The following PSMB2 variants were observed in gnomAD, a reference collection of about 807,000 sequenced individuals.
PSMB2 encodes proteasome 20S subunit beta 2, also known as proteasome subunit beta type-2.
PSMB2 carries 13 observed loss-of-function variants against 25.7 expected under a neutral mutation model. The ratio of observed to expected loss-of-function variants is 0.51; its 90% CI spans 0.33 to 0.80. PSMB2 has a LOEUF of 0.80. Among genes scored for constraint, PSMB2 ranks in the 30% least tolerant of loss-of-function variants. PSMB2 has a pLI of 0.02. For missense variants in PSMB2, 202 were observed against 259.0 expected (o/e 0.78, Z 1.51); for synonymous variants, 87 against 96.2 (o/e 0.90, Z 0.56).
rs190365923 is a variant in PSMB2, at chr1:35,607,142, A to G, written c.449-1860T>C. On this transcript the variant is annotated intron_variant, in intron 4 of 5. Transcript: ENST00000373237. ...GGACACTGATCTGGAAAAAGATTTTATGAATAATCTCATGAACACAGGCAA... is the reference window on the plus strand; with the variant it reads ...GGACACTGATCTGGAAAAAGATTTTGTGAATAATCTCATGAACACAGGCAA... Among the ~76,000 whole-genome samples, 160 of 152,318 alleles carry G rather than the reference A, an allele frequency of 1.1e-3. 1 individual carries two copies. Among genetic ancestry groups the G allele is most frequent in the African/African-American group, 3.8e-3 (157 of 41,582 alleles).
In PSMB2 at chr1:35,624,817, C is replaced by A. The variant is rs1178912080; in HGVS notation, c.285+6457G>T. Among the ~76,000 whole-genome samples the A allele has an allele frequency of 2.6e-5, 4 of 151,828 alleles. No homozygotes were observed. In the South Asian group the frequency reaches 8.3e-4, roughly 32 times the overall value. On this transcript the variant is annotated intron_variant, in intron 3 of 5. Coordinates refer to ENST00000373237, the MANE Select transcript of PSMB2 (RefSeq NM_002794.5). ...GTGGCTCACGCCTGTAATCCCAGCA[C>A]TTTGGGAGGCCGAGGCGGGTGGATC... is the stretch of plus-strand genomic sequence containing the variant.
intron 3 of PSMB2, among the ~76,000 whole-genome samples, chr1:35,627,371 G>T (rs1443880935): frequency 6.6e-6 from 1 of 150,962 alleles, no homozygotes; most frequent in African/African-American, 2.4e-5. Flanking sequence ...AAAAACACAA[G>T]TGGGCTGGGC....
At position 35,628,621 on chromosome 1, in the gene PSMB2, ATATATATATATT is replaced by A. The variant is rs1301330427; in HGVS notation, c.285+2641_285+2652del. Among the ~76,000 whole-genome samples, 45 of 46,580 alleles carry A rather than the reference ATATATATATATT, an allele frequency of 9.7e-4. 1 individual carries two copies. The highest frequency in any genetic ancestry group is 1.5e-3 in the Admixed American group (4 of 2,708). The allele number at this position is 46,580 out of a possible 152,430, so 30.6% of individuals were successfully genotyped here. A position where few individuals can be genotyped will look rare whatever the true frequency, so the allele number is the denominator to read the frequency against. Reference sequence around the variant, plus strand: ...AATATATATATATATATATATATATATATATATATATTTTTTTTTTTTTTTTTAAAGAAAAGA... The same window carrying A: ...AATATATATATATATATATATATATATTTTTTTTTTTTTTTAAAGAAAAGA... On this transcript the variant is annotated intron_variant, in intron 3 of 5. Transcript: ENST00000373237.
chr1:35,615,569 C>T (rs375031365), intron 3 of PSMB2, among the ~76,000 whole-genome samples: 3 of 152,164 alleles, frequency 2.0e-5, no homozygotes, highest in Admixed American at 2.0e-4. Context: ...ACAAAATCAG[C>T]GACAAGAGTC....
chr1:35,636,568 A>G (rs984905686), intron 1 of PSMB2, 136 bp from the exon 2 acceptor site: 1 of 1,021,788 alleles, frequency 9.8e-7, no homozygotes, highest in South Asian at 2.0e-5. Flanking sequence ...ACAATTCAAC[A>G]AACTATGGAT....
chr1:35,635,699 C>T (rs1442502456), intron 2 of PSMB2, among the ~76,000 whole-genome samples: 2 of 151,676 alleles, frequency 1.3e-5, no homozygotes, highest in Admixed American at 6.6e-5. Context: ...CGTGGTGGTG[C>T]GTGCCTGTAG....
chr1:35,605,303 C>T (rs1331544539), intron 4 of PSMB2, 21 bp from the exon 5 acceptor site: 1 of 1,608,054 alleles, frequency 6.2e-7, no homozygotes. Context: ...ACACAGAGAC[C>T]AAATACTTCC....
chr1:35,608,692 G>A (rs548635905), intron 4 of PSMB2, among the ~76,000 whole-genome samples: 78 of 152,302 alleles, frequency 5.1e-4, no homozygotes, highest in African/African-American at 1.8e-3. Flanking sequence ...CAAGTAGAGC[G>A]ACGGCTTTTT....
intron 4 of PSMB2, among the ~76,000 whole-genome samples, chr1:35,607,076 T>C (rs1036916959): frequency 6.6e-6 from 1 of 152,086 alleles, no homozygotes; most frequent in African/African-American, 2.4e-5. Context: ...GACCTCAATT[T>C]AAGACCAGAA....
intron 3 of PSMB2, among the ~76,000 whole-genome samples, chr1:35,624,890 G>A (rs1040673019): frequency 5.3e-5 from 8 of 151,734 alleles, no homozygotes; most frequent in East Asian, 3.9e-4. Context: ...ATGAAACCCC[G>A]TCTCTACTAA....
At chr1:35,629,571 G>C (rs1651028560) in intron 3 of PSMB2, among the ~76,000 whole-genome samples, 1 of 152,184 alleles carries the variant, frequency 6.6e-6, no homozygotes, top group Non-Finnish European at 1.5e-5. Flanking sequence ...CACCCTGAAA[G>C]GCCAAGGCCA....
intron 4 of PSMB2, among the ~76,000 whole-genome samples, chr1:35,608,564 T>C (rs1200799009): frequency 3.3e-5 from 5 of 152,234 alleles, no homozygotes; most frequent in Admixed American, 3.3e-4. Flanking sequence ...ATTACATGTA[T>C]TGAAACATCA....
chr1:35,627,682 ATT>A (rs1650906393), intron 3 of PSMB2, among the ~76,000 whole-genome samples: 1 of 152,188 alleles, frequency 6.6e-6, no homozygotes, highest in African/African-American at 2.4e-5. Context: ...TTATTACCTT[ATT>A]TAATCTTCAT....
chr1:35,613,023 A>G (rs1650385233), intron 3 of PSMB2, among the ~76,000 whole-genome samples: 1 of 152,254 alleles, frequency 6.6e-6, no homozygotes, highest in Non-Finnish European at 1.5e-5. Flanking sequence ...ACTCATGCTT[A>G]GGCATCTGAC....
At chr1:35,628,621 ATATATATATAT>A (rs1388049866) in intron 3 of PSMB2, among the ~76,000 whole-genome samples, 95 of 46,580 alleles carry the variant, frequency 2.0e-3, no homozygotes, top group Non-Finnish European at 3.0e-3. Context: ...ATATATATAT[ATATATATATAT>A]TTTTTTTTTT....
At chr1:35,611,619 T>C (rs1650345393) in intron 3 of PSMB2, among the ~76,000 whole-genome samples, 1 of 151,092 alleles carries the variant, frequency 6.6e-6, no homozygotes, top group African/African-American at 2.4e-5. Context: ...AGGTTAGGAG[T>C]TTGAGACCAG....
rs1651397399 is a variant in PSMB2 at position 35,641,526 on chromosome 1, T to C, written c.-94A>G. 1.3e-6 allele frequency: 2 copies of C among 1,570,158 alleles called. No individual in the cohort carries two copies. Among genetic ancestry groups the C allele is most frequent in the South Asian group, 1.1e-5 (1 of 87,574 alleles). On this transcript the variant is annotated 5_prime_UTR_variant, in exon 1 of 6. Coordinates refer to ENST00000373237, the MANE Select transcript of PSMB2 (RefSeq NM_002794.5). ...TGAGACAGCACCTCAGAGCGAAGAT[T>C]GGCGCGACGCCTGCAGCACGACTTC...
intron 3 of PSMB2, among the ~76,000 whole-genome samples, chr1:35,625,657 G>A (rs967857847): frequency 6.6e-6 from 1 of 151,706 alleles, no homozygotes; most frequent in East Asian, 2.0e-4. Context: ...AGCTACTCAG[G>A]AGGCTGAGGC....
chr1:35,616,951 A>G (rs997078785), intron 3 of PSMB2, among the ~76,000 whole-genome samples: 28 of 152,222 alleles, frequency 1.8e-4, no homozygotes, highest in African/African-American at 6.8e-4. Context: ...AGCAACTTCC[A>G]ATTATTGTGA....
Sources: allele counts gnomAD v4.1 joint callset (sites outside exome capture counted in the v4.1 genomes callset), GRCh38; gene constraint gnomAD v4.1.1; transcripts MANE v1.5; gene names NCBI Gene and HGNC (gene_info 2026-07-23, HGNC 2026-07-21).